SPATA31G1: variants seen among roughly 807,000 people sequenced by gnomAD.
SPATA31G1 encodes the protein SPATA31 subfamily G member 1, also known as spermatogenesis-associated protein 31G1.
the SPATA31G1 span, chr9:35,045,737 C>T: frequency 6.2e-7 from 1 of 1,614,256 alleles, no homozygotes; most frequent in Non-Finnish European, 8.5e-7. Context: ...ACTGTAAGCA[C>T]TGTCCTTGGG....
chr9:35,044,621 A>C, the SPATA31G1 span: 2 of 1,614,120 alleles, frequency 1.2e-6, no homozygotes. Context: ...TCGCAGACCA[A>C]AGCAACTATA....
the SPATA31G1 span, chr9:35,042,599 G>A: frequency 4.7e-6 from 7 of 1,500,276 alleles, no homozygotes; most frequent in Admixed American, 3.9e-5. Context: ...GTGAGGCTGG[G>A]TGAGTAACCA....
At chr9:35,044,499 C>CA in the SPATA31G1 span, 3 of 1,614,210 alleles carry the variant, frequency 1.9e-6, no homozygotes, top group South Asian at 2.2e-5. Flanking sequence ...GTCTGATTCT[C>CA]AGTCTATTGT....
the SPATA31G1 span, chr9:35,042,737 C>T: frequency 1.9e-5 from 25 of 1,328,904 alleles, no homozygotes; most frequent in Non-Finnish European, 2.6e-5. Flanking sequence ...AGGTGACTGG[C>T]CACACACGTG....
chr9:35,044,236 T>C, the SPATA31G1 span: 2 of 1,614,014 alleles, frequency 1.2e-6, no homozygotes, highest in African/African-American at 1.3e-5. Context: ...GGGGAATGCC[T>C]CGCTACATCA....
the SPATA31G1 span, chr9:35,043,669 C>T: frequency 6.2e-7 from 1 of 1,614,108 alleles, no homozygotes; most frequent in Non-Finnish European, 8.5e-7. Flanking sequence ...TGCCAATCCC[C>T]AGCTTCTCTG....
the SPATA31G1 span, chr9:35,045,838 A>T: frequency 3.1e-6 from 5 of 1,611,526 alleles, no homozygotes; most frequent in Non-Finnish European, 8.5e-7. Flanking sequence ...CTGGATAACC[A>T]TCGACCCCTA....
chr9:35,045,390 C>T, the SPATA31G1 span: 1 of 1,614,074 alleles, frequency 6.2e-7, no homozygotes. Flanking sequence ...CCCAGGAGAA[C>T]CCTCAAACTC....
chr9:35,043,543 C>T, the SPATA31G1 span: 1 of 1,614,160 alleles, frequency 6.2e-7, no homozygotes, highest in Non-Finnish European at 8.5e-7. Context: ...GCTGAGGCAC[C>T]CACACAGTCC....
chr9:35,043,399 C>T, the SPATA31G1 span: 2 of 1,614,054 alleles, frequency 1.2e-6, no homozygotes, highest in Non-Finnish European at 8.5e-7. Flanking sequence ...ACCCATGGGG[C>T]CCATACTATG....
chr9:35,043,037 AC>A, the SPATA31G1 span: 2 of 1,613,886 alleles, frequency 1.2e-6, no homozygotes, highest in Non-Finnish European at 1.7e-6. Context: ...CTCCAGCCCC[AC>A]CCCAGCCATC....
At chr9:35,044,818 C>A in the SPATA31G1 span, 1 of 1,614,156 alleles carries the variant, frequency 6.2e-7, no homozygotes. Flanking sequence ...CACCCAGTAC[C>A]CCAGCCTCCC....
chr9:35,042,437 G>C, the SPATA31G1 span: 1 of 1,614,234 alleles, frequency 6.2e-7, no homozygotes. Context: ...AGCTTGGGAG[G>C]TTGCGACAGC....
chr9:35,041,234 C>A, the SPATA31G1 span: 1 of 270,674 alleles, frequency 3.7e-6, no homozygotes, highest in Non-Finnish European at 7.5e-6. Context: ...CATGCCAGGG[C>A]AAATATTTAG....
At chr9:35,045,757 AGAAGT>A in the SPATA31G1 span, 1 of 1,614,216 alleles carries the variant, frequency 6.2e-7, no homozygotes, top group Admixed American at 1.7e-5. Flanking sequence ...GCCCACATGG[AGAAGT>A]ATCTCTCCTT....
chr9:35,043,357 T>C, the SPATA31G1 span: 47 of 1,614,202 alleles, frequency 2.9e-5, no homozygotes, highest in Non-Finnish European at 3.9e-5. Context: ...AACCTGTTGC[T>C]TCCCCAGTAT....
chr9:35,043,063 GCCT>G, the SPATA31G1 span: 1 of 1,614,112 alleles, frequency 6.2e-7, no homozygotes, highest in Admixed American at 1.7e-5. Flanking sequence ...GGTTCTGAGG[GCCT>G]CCTCAAGGCT....
the SPATA31G1 span, chr9:35,042,550 A>C: frequency 6.2e-7 from 1 of 1,608,580 alleles, no homozygotes; most frequent in South Asian, 1.1e-5. Context: ...GGTCATTGGT[A>C]TGAATGTGGG....
At chr9:35,042,485 G>A in the SPATA31G1 span, 1 of 1,614,194 alleles carries the variant, frequency 6.2e-7, no homozygotes, top group East Asian at 2.2e-5. Context: ...TGCAAGGCAA[G>A]GTGGGTGACC....
Sources: gnomAD v4.1 joint callset for allele counts on GRCh38, gnomAD v4.1.1 for gene constraint, MANE v1.5 for transcripts, NCBI Gene and HGNC (gene_info 2026-07-23, HGNC 2026-07-21) for gene names.